Variants in FHIT observed in about 807,000 individuals in gnomAD.
FHIT encodes the protein fragile histidine triad diadenosine triphosphatase.
In FHIT, 19 loss-of-function variants were observed where a neutral mutation model predicts 17.9. The observed-to-expected ratio is 1.06, with a 90% CI of 0.74 to 1.56. The LOEUF is 1.56. Among genes scored for constraint, FHIT ranks in the 40% most tolerant of loss-of-function variants. The pLI, the probability that FHIT is intolerant of heterozygous loss-of-function variation, is 0.00. For synonymous variants in FHIT, 81 were observed against 69.7 expected, an observed-to-expected ratio of 1.16 and a Z score of -0.81; for missense variants, 248 against 189.2, an observed-to-expected ratio of 1.31 and a Z score of -1.82.
At chr3:60,506,780 C>T (rs143053885) in intron 5 of FHIT, among the ~76,000 whole-genome samples, 384 of 152,218 alleles carry the variant, frequency 2.5e-3, no homozygotes, top group Non-Finnish European at 3.2e-3. Flanking sequence ...GGAGCAGACC[C>T]AAAGCCAGCT....
At chr3:61,172,077 C>G (rs1037075802) in intron 2 of FHIT, among the ~76,000 whole-genome samples, 2 of 151,854 alleles carry the variant, frequency 1.3e-5, no homozygotes, top group East Asian at 3.9e-4. Context: ...GTTTTGTGAG[C>G]AAAATCAAAG....
chr3:60,474,951 G>C (rs548226810), intron 5 of FHIT, among the ~76,000 whole-genome samples: 1 of 152,190 alleles, frequency 6.6e-6, no homozygotes, highest in East Asian at 1.9e-4. Context: ...TTTTTAAATA[G>C]TACTACTTAA....
chr3:60,942,776 A>C (rs546581931), intron 3 of FHIT, among the ~76,000 whole-genome samples: 1 of 152,116 alleles, frequency 6.6e-6, no homozygotes, highest in East Asian at 1.9e-4. Context: ...ATACCTTTTT[A>C]ATTGAATCCT....
chr3:61,080,053 G>C (rs1321634140), intron 2 of FHIT, among the ~76,000 whole-genome samples: 2 of 151,894 alleles, frequency 1.3e-5, no homozygotes, highest in Non-Finnish European at 2.9e-5. Flanking sequence ...ATTTACACTG[G>C]AATAGAAGTC....
intron 5 of FHIT, among the ~76,000 whole-genome samples, chr3:60,505,622 CAT>C (rs1444927098): frequency 6.6e-6 from 1 of 152,112 alleles, no homozygotes; most frequent in African/African-American, 2.4e-5. Context: ...TTTCTTCCAG[CAT>C]ATTTTATGAT....
chr3:60,243,163 G>T (rs1333914795), intron 5 of FHIT, among the ~76,000 whole-genome samples: 1 of 151,986 alleles, frequency 6.6e-6, no homozygotes, highest in Non-Finnish European at 1.5e-5. Context: ...TGATTAAACA[G>T]AAATACAGGG....
intron 3 of FHIT, among the ~76,000 whole-genome samples, chr3:60,987,448 C>T (rs981615256): frequency 2.0e-5 from 3 of 152,228 alleles, no homozygotes; most frequent in Non-Finnish European, 2.9e-5. Flanking sequence ...CATACTCCTG[C>T]TGCAGTTAAC....
intron 5 of FHIT, among the ~76,000 whole-genome samples, chr3:60,053,590 T>C (rs549699952): frequency 1.3e-5 from 2 of 151,928 alleles, no homozygotes. Context: ...GAAAGAACTC[T>C]ATCAACATTA....
chr3:59,904,026 T>C lies in FHIT; in HGVS notation c.348+18320A>G, dbSNP rs552401064. On this transcript the variant is annotated intron_variant, in intron 8 of 9. Coordinates refer to ENST00000492590, the MANE Select transcript of FHIT (RefSeq NM_002012.4). ...AGGGCCTGAAGAAAGATAATAAGAA[T>C]GGAAATAGGAAAGAAATAGCACAAA... 4.4e-4 allele frequency among the ~76,000 whole-genome samples: 67 copies of C among 151,684 alleles called. 3 individuals are homozygous for C. The highest frequency in any genetic ancestry group is 6.8e-3 in the Middle Eastern group (2 of 292).
intron 2 of FHIT, among the ~76,000 whole-genome samples, chr3:61,077,441 A>C (rs2035004156): frequency 6.6e-6 from 1 of 152,060 alleles, no homozygotes; most frequent in African/African-American, 2.4e-5. Flanking sequence ...ACTTTGCACA[A>C]AGCCTTCAAG....
chr3:60,379,248 C>A (rs901544410), intron 5 of FHIT, among the ~76,000 whole-genome samples: 1 of 152,002 alleles, frequency 6.6e-6, no homozygotes, highest in East Asian at 1.9e-4. Context: ...TTAAATACAT[C>A]CTTCCATCCA....
At position 60,849,441 on chromosome 3, in the gene FHIT, A is replaced by AACATATATAT. The variant is rs1553747602; in HGVS notation, c.-110-27431_-110-27430insATATATATGT. On this transcript the variant is annotated intron_variant, in intron 3 of 9. Coordinates refer to ENST00000492590, the MANE Select transcript of FHIT (RefSeq NM_002012.4). ...AGGACTTTTGTTAATACAAAAATGA[A>AACATATATAT]ATATATATATATATATATATATAAA... 5.1e-5 allele frequency among the ~76,000 whole-genome samples: 7 copies of AACATATATAT among 137,702 alleles called. 1 individual carries two copies. The highest frequency in any genetic ancestry group is 1.9e-4 in the African/African-American group (7 of 36,370). 90.3% of individuals were successfully genotyped at this position (137,702 alleles called of 152,430 possible).
intron 2 of FHIT, among the ~76,000 whole-genome samples, chr3:61,164,222 A>C (rs1373282524): frequency 6.6e-6 from 1 of 152,194 alleles, no homozygotes; most frequent in Non-Finnish European, 1.5e-5. Flanking sequence ...TTCTCCAAAG[A>C]GTCCTAAAAT....
intron 7 of FHIT, among the ~76,000 whole-genome samples, chr3:59,936,676 G>C (rs908817937): frequency 6.6e-6 from 1 of 152,058 alleles, no homozygotes; most frequent in Non-Finnish European, 1.5e-5. Context: ...TGTGAAATAT[G>C]ATCAGTCCAA....
chr3:60,156,880 G>A (rs1283039445), intron 5 of FHIT, among the ~76,000 whole-genome samples: 1 of 151,996 alleles, frequency 6.6e-6, no homozygotes, highest in Non-Finnish European at 1.5e-5. Flanking sequence ...GTAATGCTGG[G>A]TCTTAATCAA....
chr3:59,755,594 A>T (rs77116651), intron 8 of FHIT, among the ~76,000 whole-genome samples: 1 of 152,172 alleles, frequency 6.6e-6, no homozygotes, highest in Admixed American at 6.5e-5. Flanking sequence ...GAGGGCGGTG[A>T]CTACTTGTTA....
At chr3:60,427,629 A>G (rs560690899) in intron 5 of FHIT, among the ~76,000 whole-genome samples, 11 of 151,968 alleles carry the variant, frequency 7.2e-5, no homozygotes, top group African/African-American at 2.7e-4. Context: ...ATGTGGGTTA[A>G]TTTTTCCTGG....
chr3:59,868,112 C>T lies in FHIT; in HGVS notation c.348+54234G>A, dbSNP rs35117438. ...GAATAAAGACTGAACATGGCCCTAG[C>T]GGAAGAGCTAAATTCATTATCTTTA... On this transcript the variant is annotated intron_variant, in intron 8 of 9. Coordinates refer to ENST00000492590, the MANE Select transcript of FHIT (RefSeq NM_002012.4). 2.8e-3 allele frequency among the ~76,000 whole-genome samples: 415 copies of T among 148,188 alleles called. 1 individual carries two copies. The highest frequency in any genetic ancestry group is 0.011 in the South Asian group (51 of 4,694).
intron 4 of FHIT, among the ~76,000 whole-genome samples, chr3:60,587,068 GCTCT>G (rs1301864867): frequency 6.6e-6 from 1 of 151,698 alleles, no homozygotes; most frequent in Non-Finnish European, 1.5e-5. Context: ...TTCCATCTAA[GCTCT>G]CTATCAGAAA....
Sources: allele counts gnomAD v4.1 joint callset (sites outside exome capture counted in the v4.1 genomes callset), GRCh38; gene constraint gnomAD v4.1.1; transcripts MANE v1.5; gene names NCBI Gene and HGNC (gene_info 2026-07-23, HGNC 2026-07-21).